MBD5: variants seen among roughly 807,000 people sequenced by gnomAD.
MBD5 encodes the protein methyl-CpG binding domain protein 5.
MBD5 carries 13 observed loss-of-function variants against 117.3 expected under a neutral mutation model. That is an observed-to-expected ratio of 0.11 (90% CI 0.07 to 0.18). The LOEUF (loss-of-function observed/expected upper bound fraction) is 0.18. Ranked by LOEUF, MBD5 falls within the 10% of genes least tolerant of loss-of-function variation. The pLI is 1.00. For missense variants in MBD5, 1,879 were observed against 2,093.8 expected (o/e 0.90, Z 2.00); for synonymous variants, 727 against 766.4 (o/e 0.95, Z 0.85).
At chr2:148,343,711 C>T (rs914064219) in intron 4 of MBD5, among the ~76,000 whole-genome samples, 1 of 151,954 alleles carries the variant, frequency 6.6e-6, no homozygotes, top group Admixed American at 6.6e-5. Context: ...AATATTTTCA[C>T]CCATTCTGTG....
At chr2:148,104,857 C>T (rs1696326647) in intron 1 of MBD5, among the ~76,000 whole-genome samples, 2 of 151,812 alleles carry the variant, frequency 1.3e-5, no homozygotes, top group Non-Finnish European at 2.9e-5. Flanking sequence ...AAGTAATACT[C>T]AAATAATAAG....
chr2:148,111,440 T>C (rs997450899), intron 1 of MBD5, among the ~76,000 whole-genome samples: 1 of 151,996 alleles, frequency 6.6e-6, no homozygotes, highest in Non-Finnish European at 1.5e-5. Context: ...CCAAACAAGA[T>C]TGTAGAATTG....
intron 1 of MBD5, among the ~76,000 whole-genome samples, chr2:148,045,337 TACTA>T (rs1372119494): frequency 6.6e-6 from 1 of 152,198 alleles, no homozygotes; most frequent in Non-Finnish European, 1.5e-5. Context: ...TTTCAGTACT[TACTA>T]ACCATTATGC....
chr2:148,374,240 T>TACACACACACAC lies in MBD5; in HGVS notation c.-557+31929_-557+31940dup, dbSNP rs57110874. Among the ~76,000 whole-genome samples, 3 of 141,968 alleles carry TACACACACACAC rather than the reference T, an allele frequency of 2.1e-5. No individual in the cohort carries two copies. In the South Asian group the frequency reaches 7.0e-4, roughly 33 times the overall value. 93.1% of individuals were successfully genotyped at this position (141,968 alleles called of 152,430 possible). A position where few individuals can be genotyped will look rare whatever the true frequency, so the allele number is the denominator to read the frequency against. On this transcript the variant is annotated intron_variant, in intron 4 of 13. Transcript: ENST00000642680. The stretch of plus-strand genomic sequence containing the variant: ...ATTCCAAACTAAATATGTTTATGCA[T>TACACACACACAC]ACACACACACACACACACACACACA...
At chr2:148,103,575 T>C (rs1696287867) in intron 1 of MBD5, among the ~76,000 whole-genome samples, 2 of 152,128 alleles carry the variant, frequency 1.3e-5, no homozygotes, top group Non-Finnish European at 2.9e-5. Flanking sequence ...GTGCATATGG[T>C]TTTGAAACAG....
At chr2:148,165,728 C>G (rs1321448608) in intron 1 of MBD5, among the ~76,000 whole-genome samples, 1 of 151,998 alleles carries the variant, frequency 6.6e-6, no homozygotes, top group Non-Finnish European at 1.5e-5. Flanking sequence ...ATATCTACAG[C>G]TCTATTCTCA....
intron 3 of MBD5, among the ~76,000 whole-genome samples, chr2:148,284,572 A>T (rs1227235476): frequency 6.6e-6 from 1 of 152,086 alleles, no homozygotes; most frequent in African/African-American, 2.4e-5. Flanking sequence ...ACCCTCTATC[A>T]AAAGTGGGGG....
At chr2:148,380,791 G>A (rs1368883882) in intron 4 of MBD5, among the ~76,000 whole-genome samples, 1 of 152,130 alleles carries the variant, frequency 6.6e-6, no homozygotes, top group Non-Finnish European at 1.5e-5. Flanking sequence ...GAACGATCAG[G>A]CGGCAGCATT....
intron 4 of MBD5, among the ~76,000 whole-genome samples, chr2:148,353,830 C>T (rs1406660462): frequency 6.6e-6 from 1 of 152,152 alleles, no homozygotes; most frequent in Admixed American, 6.6e-5. Context: ...ATCTGCCCAC[C>T]TCAGCCTCCC....
chr2:148,022,730 A>G (rs1386729575), intron 1 of MBD5, among the ~76,000 whole-genome samples: 1 of 152,168 alleles, frequency 6.6e-6, no homozygotes, highest in Non-Finnish European at 1.5e-5. Context: ...AAAGTACACA[A>G]ATTTCTAAAA....
intron 4 of MBD5, among the ~76,000 whole-genome samples, chr2:148,422,770 G>A (rs1223045898): frequency 6.6e-6 from 1 of 152,108 alleles, no homozygotes; most frequent in Non-Finnish European, 1.5e-5. Context: ...AACACAGCAC[G>A]AGAACTTCGT....
intron 1 of MBD5, among the ~76,000 whole-genome samples, chr2:148,068,119 G>A (rs923788065): frequency 6.6e-6 from 1 of 152,140 alleles, no homozygotes; most frequent in African/African-American, 2.4e-5. Context: ...TGGCTCTGGT[G>A]GGGCATGAAG....
chr2:148,187,180 G>A (rs1370636800), intron 2 of MBD5, among the ~76,000 whole-genome samples: 1 of 152,182 alleles, frequency 6.6e-6, no homozygotes, highest in Non-Finnish European at 1.5e-5. Context: ...ATGATCACAT[G>A]TGTGGATAGC....
chr2:148,043,106 T>A (rs754237325), intron 1 of MBD5, among the ~76,000 whole-genome samples: 5 of 151,996 alleles, frequency 3.3e-5, no homozygotes, highest in Non-Finnish European at 5.9e-5. Context: ...TTGCAGACTA[T>A]TGGACTCCAC....
At chr2:148,243,061 T>A (rs899988996) in intron 3 of MBD5, among the ~76,000 whole-genome samples, 7 of 152,028 alleles carry the variant, frequency 4.6e-5, no homozygotes, top group Non-Finnish European at 8.8e-5. Flanking sequence ...AGCCCATCAA[T>A]CACGTAAACT....
At chr2:148,195,490 A>T (rs1414987763) in intron 2 of MBD5, among the ~76,000 whole-genome samples, 1 of 152,204 alleles carries the variant, frequency 6.6e-6, no homozygotes, top group Admixed American at 6.6e-5. Context: ...ATAAATGGTT[A>T]TAACAAGTAA....
intron 1 of MBD5, among the ~76,000 whole-genome samples, chr2:148,094,159 A>G (rs554610815): frequency 1.7e-4 from 26 of 152,288 alleles, no homozygotes; most frequent in African/African-American, 2.4e-4. Context: ...CTGTACTTCA[A>G]CTAACTGAAT....
chr2:148,235,573 T>C (rs1700074481), intron 3 of MBD5, among the ~76,000 whole-genome samples: 1 of 152,180 alleles, frequency 6.6e-6, no homozygotes, highest in Admixed American at 6.6e-5. Context: ...AGAAAGGCAG[T>C]TGAACGTAGC....
Position 148,470,468 on chromosome 2 carries a change from T to C in MBD5, c.2518+7T>C. On this transcript the variant is annotated splice_region_variant and intron_variant, in intron 8 of 13. Transcript: ENST00000642680. ...CAAACAAGTTCTGAAGCAGGTATGGTTTTATTAGAAAAAAGTACCCAAAGG... is the reference window on the plus strand; with the variant it reads ...CAAACAAGTTCTGAAGCAGGTATGGCTTTATTAGAAAAAAGTACCCAAAGG... 6.3e-7 allele frequency: 1 copy of C among 1,580,526 alleles called. No individual in the cohort carries two copies. The highest frequency in any genetic ancestry group is 8.6e-7 in the Non-Finnish European group (1 of 1,165,824).
Sources: gnomAD v4.1 joint callset for allele counts (sites outside exome capture counted in the v4.1 genomes callset) on GRCh38, gnomAD v4.1.1 for gene constraint, MANE v1.5 for transcripts, NCBI Gene and HGNC (gene_info 2026-07-23, HGNC 2026-07-21) for gene names.